FMN1: variants seen among roughly 807,000 people sequenced by gnomAD.
FMN1 encodes formin 1.
FMN1 carries 110 observed loss-of-function variants against 132.4 expected under a neutral mutation model. That is an observed-to-expected ratio of 0.83 (90% CI 0.71 to 0.97). FMN1 has a LOEUF of 0.97. Ranked by LOEUF, FMN1 falls within the 50% of genes least tolerant of loss-of-function variation. The pLI, the probability that FMN1 is intolerant of heterozygous loss-of-function variation, is 0.00. For missense variants in FMN1, 1,792 were observed against 1,705.3 expected (o/e 1.05, Z -0.90); for synonymous variants, 722 against 651.7 (o/e 1.11, Z -1.64).
chr15:33,044,773 C>T (rs1389354041), intron 6 of FMN1, among the ~76,000 whole-genome samples: 1 of 152,154 alleles, frequency 6.6e-6, no homozygotes, highest in African/African-American at 2.4e-5. Flanking sequence ...GAAAAGACGA[C>T]AGGATGACCA....
rs1276562863 is a variant in FMN1, at chr15:33,047,554, CCT to C, written c.2161+17401_2161+17402del. Among the ~76,000 whole-genome samples the C allele has an allele frequency of 2.0e-5, 3 of 152,302 alleles. No individual in the cohort carries two copies. The South Asian group carries it at 6.2e-4, about 32-fold the overall frequency. ...ACCACAGACCCTGTTTTGGGAAAAACCTCTGTTTTCCTCATAAAGCCTCAGAA... is the reference window on the plus strand; with the variant it reads ...ACCACAGACCCTGTTTTGGGAAAAACCTGTTTTCCTCATAAAGCCTCAGAA... On this transcript the variant is annotated intron_variant, in intron 6 of 20. Coordinates refer to ENST00000616417, the MANE Select transcript of FMN1 (RefSeq NM_001277313.2).
intron 7 of FMN1, among the ~76,000 whole-genome samples, chr15:32,981,903 C>G (rs1461856788): frequency 6.6e-6 from 1 of 151,936 alleles, no homozygotes; most frequent in African/African-American, 2.4e-5. Context: ...ATCAATTAGA[C>G]AGACCCTTTC....
At chr15:32,991,972 A>G (rs920997069) in intron 7 of FMN1, among the ~76,000 whole-genome samples, 2 of 152,190 alleles carry the variant, frequency 1.3e-5, no homozygotes, top group Non-Finnish European at 2.9e-5. Context: ...GTTCTTTTTG[A>G]TGAGTTTTTA....
At chr15:33,084,055 T>G (rs1448823080) in intron 5 of FMN1, among the ~76,000 whole-genome samples, 1 of 152,196 alleles carries the variant, frequency 6.6e-6, no homozygotes, top group Non-Finnish European at 1.5e-5. Flanking sequence ...CCCTGCCCCT[T>G]TCCTGGAAAA....
intron 4 of FMN1, among the ~76,000 whole-genome samples, chr15:33,147,740 A>T (rs112857912): frequency 2.6e-5 from 4 of 152,356 alleles, no homozygotes; most frequent in African/African-American, 9.6e-5. Context: ...TTTTATACAG[A>T]AACTGACCTT....
intron 16 of FMN1, among the ~76,000 whole-genome samples, chr15:32,887,718 GAC>G (rs2059929211): frequency 6.6e-6 from 1 of 152,158 alleles, no homozygotes. Flanking sequence ...GTTCTAATTA[GAC>G]AGACTTGATT....
At chr15:33,023,059 C>CAAAAAAA (rs758459713) in intron 6 of FMN1, among the ~76,000 whole-genome samples, 64 of 53,168 alleles carry the variant, frequency 1.2e-3, no homozygotes, top group Non-Finnish European at 1.7e-3. Flanking sequence ...CTCCCCCACC[C>CAAAAAAA]AAAAAAAAAA....
intron 7 of FMN1, among the ~76,000 whole-genome samples, chr15:33,003,461 AT>A (rs1232892204): frequency 6.6e-6 from 1 of 152,250 alleles, no homozygotes; most frequent in Non-Finnish European, 1.5e-5. Context: ...TTCAAAGGGA[AT>A]AAAATACCTG....
intron 7 of FMN1, among the ~76,000 whole-genome samples, chr15:32,974,236 T>A (rs535770020): frequency 6.6e-6 from 1 of 152,372 alleles, no homozygotes; most frequent in Non-Finnish European, 1.5e-5. Flanking sequence ...TCACTCTTCC[T>A]GCTAAAAATC....
intron 6 of FMN1, among the ~76,000 whole-genome samples, chr15:33,017,448 A>G (rs1388842208): frequency 1.3e-5 from 2 of 152,152 alleles, no homozygotes; most frequent in Non-Finnish European, 2.9e-5. Context: ...CAATTTTTCT[A>G]TCAACCTAAA....
At chr15:32,933,731 A>G (rs2061183484) in intron 9 of FMN1, among the ~76,000 whole-genome samples, 1 of 151,882 alleles carries the variant, frequency 6.6e-6, no homozygotes, top group Non-Finnish European at 1.5e-5. Context: ...CTTTTGTTAG[A>G]GTTTTTGACT....
At position 32,964,119 on chromosome 15, in the gene FMN1, G is replaced by A. The variant is rs756144153; in HGVS notation, c.3126C>T (p.Asn1042=). 2 of 1,609,378 alleles carry A rather than the reference G, an allele frequency of 1.2e-6. No individual in the cohort carries two copies. The highest frequency in any genetic ancestry group is 8.5e-7 in the Non-Finnish European group (1 of 1,178,206). Residue 1042 remains asparagine, a synonymous_variant, in exon 9 of 21, where the codon AAC becomes AAT. Coordinates refer to ENST00000616417, the MANE Select transcript of FMN1 (RefSeq NM_001277313.2). ...KPLSETYEKK[N]KVKKIIKLLD... is the part of the protein sequence containing the mutation. ...AATCACTCAGTACCTTTTTGACCTT[G>A]TTTTTCTTCTCATAAGTCTCTGACA...
intron 10 of FMN1, among the ~76,000 whole-genome samples, chr15:32,920,770 C>T (rs2060801015): frequency 6.6e-6 from 1 of 152,216 alleles, no homozygotes; most frequent in Non-Finnish European, 1.5e-5. Flanking sequence ...AGCCAAAAGT[C>T]TTCTGTATTA....
intron 7 of FMN1, among the ~76,000 whole-genome samples, chr15:32,995,099 C>CATAT (rs56842353): frequency 0.019 from 2,835 of 150,474 alleles, 89 homozygotes; most frequent in African/African-American, 0.06. Flanking sequence ...CACACAGAAG[C>CATAT]ATATATATAT....
chr15:33,069,160 AAAC>A lies in FMN1; in HGVS notation c.2044-4089_2044-4087del, dbSNP rs376232578. On this transcript the variant is annotated intron_variant, in intron 5 of 20. Transcript: ENST00000616417. ...TGCCTCAACAAAAACAGGACAGACA[AAAC>A]AACCTCCAAACATCAGCCCAGTGTA... is the stretch of plus-strand genomic sequence containing the variant. 1.6e-4 allele frequency among the ~76,000 whole-genome samples: 25 copies of A among 152,328 alleles called. No individual in the cohort carries two copies. In the East Asian group the frequency reaches 4.4e-3, roughly 27 times the overall value.
intron 2 of FMN1, among the ~76,000 whole-genome samples, chr15:33,181,399 G>A (rs572090046): frequency 9.2e-5 from 14 of 152,320 alleles, no homozygotes; most frequent in Non-Finnish European, 1.6e-4. Context: ...CCCTTTGGGA[G>A]CTGCAGCCAC....
chr15:33,149,900 AG>A (rs1566953058), intron 4 of FMN1: 1 of 984,194 alleles, frequency 1.0e-6, no homozygotes, highest in Non-Finnish European at 1.2e-6. Context: ...CAGTAGTATT[AG>A]GGGTTTACAC....
intron 12 of FMN1, among the ~76,000 whole-genome samples, chr15:32,906,767 G>C (rs549387129): frequency 2.9e-4 from 44 of 152,324 alleles, no homozygotes; most frequent in Non-Finnish European, 6.0e-4. Context: ...AGGATCAGTT[G>C]AGGGTAGGGA....
At chr15:33,141,942 G>A (rs934539378) in intron 4 of FMN1, among the ~76,000 whole-genome samples, 43 of 152,072 alleles carry the variant, frequency 2.8e-4, no homozygotes, top group Non-Finnish European at 6.0e-4. Context: ...TCTGGGTGGC[G>A]CACACAGCAT....
Sources: gnomAD v4.1 joint callset for allele counts (sites outside exome capture counted in the v4.1 genomes callset) on GRCh38, gnomAD v4.1.1 for gene constraint, MANE v1.5 for transcripts, NCBI Gene and HGNC (gene_info 2026-07-23, HGNC 2026-07-21) for gene names.